Variants in EML6 observed in about 807,000 individuals in gnomAD.
EML6 encodes the protein echinoderm microtubule-associated protein-like 6.
A neutral mutation model predicts 240.1 loss-of-function variants in EML6; 154 were observed. That is an observed-to-expected ratio of 0.64 (90% CI 0.56 to 0.73). The LOEUF (loss-of-function observed/expected upper bound fraction) is 0.73, where lower values mean the gene tolerates loss of function less well. Ranked by LOEUF, EML6 falls within the 30% of genes least tolerant of loss-of-function variation. EML6 has a pLI of 0.00. For synonymous variants in EML6, 1,148 were observed against 899.0 expected (o/e 1.28, Z -4.95); for missense variants, 2,964 against 2,474.6 (o/e 1.20, Z -4.20).
chr2:54,837,476 G>A (rs953372426), intron 7 of EML6, among the ~76,000 whole-genome samples: 2 of 152,148 alleles, frequency 1.3e-5, no homozygotes, highest in Non-Finnish European at 2.9e-5. Flanking sequence ...ACGGGCACAC[G>A]GCTTGGTTAA....
chr2:54,892,027 A>G (rs780830775), intron 18 of EML6, among the ~76,000 whole-genome samples: 2 of 152,116 alleles, frequency 1.3e-5, no homozygotes, highest in Admixed American at 6.6e-5. Context: ...TACTATTTTT[A>G]TCGTTTTTGG....
intron 26 of EML6, among the ~76,000 whole-genome samples, chr2:54,921,780 T>A (rs369266623): frequency 1.3e-5 from 2 of 152,112 alleles, no homozygotes; most frequent in South Asian, 4.1e-4. Flanking sequence ...TCCATATATA[T>A]TATATAGTCC....
chr2:54,845,957 ATACCACAAT>A (rs1669728106), intron 8 of EML6, among the ~76,000 whole-genome samples: 1 of 152,244 alleles, frequency 6.6e-6, no homozygotes, highest in Non-Finnish European at 1.5e-5. Context: ...TGGAAGTCAG[ATACCACAAT>A]TGCACCCAAC....
chr2:54,745,891 G>T (rs114159495), intron 2 of EML6, among the ~76,000 whole-genome samples: 1,889 of 152,326 alleles, frequency 0.012, 48 homozygotes, highest in African/African-American at 0.043. Flanking sequence ...TAGCCAGGAA[G>T]AATTGGAGAG....
At chr2:54,733,239 A>G (rs947544036) in intron 2 of EML6, among the ~76,000 whole-genome samples, 3 of 152,220 alleles carry the variant, frequency 2.0e-5, no homozygotes, top group Admixed American at 6.5e-5. Flanking sequence ...TTCTAAGGCT[A>G]TGGAGAATTA....
At chr2:54,840,193 G>A (rs542504949) in intron 7 of EML6, among the ~76,000 whole-genome samples, 2 of 152,202 alleles carry the variant, frequency 1.3e-5, no homozygotes, top group Admixed American at 6.5e-5. Flanking sequence ...TTGGCCTTGA[G>A]AGGCCAGACA....
chr2:54,820,838 A>G (rs1668299903), intron 5 of EML6, among the ~76,000 whole-genome samples: 1 of 152,144 alleles, frequency 6.6e-6, no homozygotes. Flanking sequence ...CAACACTTTG[A>G]CATGTTATGT....
At chr2:54,921,147 A>G (rs1674228955) in intron 26 of EML6, among the ~76,000 whole-genome samples, 1 of 152,106 alleles carries the variant, frequency 6.6e-6, no homozygotes, top group Non-Finnish European at 1.5e-5. Flanking sequence ...AGGCATCCAG[A>G]TCAGAAAGAA....
At chr2:54,825,296 T>G (rs909392757) in intron 5 of EML6, among the ~76,000 whole-genome samples, 3 of 152,232 alleles carry the variant, frequency 2.0e-5, no homozygotes, top group Non-Finnish European at 4.4e-5. Context: ...AGTAATCATT[T>G]ATGTCTAATA....
intron 2 of EML6, among the ~76,000 whole-genome samples, chr2:54,799,704 C>T (rs1008669727): frequency 6.6e-6 from 1 of 152,136 alleles, no homozygotes; most frequent in Non-Finnish European, 1.5e-5. Context: ...GACCATATGA[C>T]CATCAAAGAG....
At chr2:54,950,624 A>C (rs975887242) in intron 29 of EML6, 26 bp from the exon 30 acceptor site, 2 of 1,550,772 alleles carry the variant, frequency 1.3e-6, no homozygotes, top group African/African-American at 1.4e-5. Context: ...TCTGAGGGTC[A>C]CATTGATCTG....
At chr2:54,953,885 T>TA (rs34371058) in intron 31 of EML6, 98 bp from the exon 32 acceptor site, 111,472 of 795,208 alleles carry the variant, frequency 0.14, 1,367 homozygotes, top group African/African-American at 0.17. Flanking sequence ...AGACTCTGTC[T>TA]AAAAAAAAAA....
intron 28 of EML6, among the ~76,000 whole-genome samples, chr2:54,937,188 G>T (rs377019774): frequency 6.6e-6 from 1 of 151,580 alleles, no homozygotes; most frequent in Admixed American, 6.6e-5. Flanking sequence ...TGAGGCAGGA[G>T]AATTGCTTAA....
At chr2:54,855,842 A>G (rs1670346441) in intron 11 of EML6, among the ~76,000 whole-genome samples, 1 of 152,104 alleles carries the variant, frequency 6.6e-6, no homozygotes, top group Non-Finnish European at 1.5e-5. Flanking sequence ...AAAGAGTGGG[A>G]ATTGTTGATG....
At chr2:54,952,042 C>T (rs1005909284) in intron 30 of EML6, among the ~76,000 whole-genome samples, 5 of 152,296 alleles carry the variant, frequency 3.3e-5, no homozygotes, top group South Asian at 2.1e-4. Context: ...TGACATATGT[C>T]GAGTTAGGGC....
At chr2:54,727,306 G>A (rs1682955420) in intron 2 of EML6, among the ~76,000 whole-genome samples, 1 of 150,762 alleles carries the variant, frequency 6.6e-6, no homozygotes, top group Non-Finnish European at 1.5e-5. Flanking sequence ...GTCAGAGTAT[G>A]TATAGGTGAG....
At chr2:54,936,131 G>C (rs746519371) in intron 28 of EML6, among the ~76,000 whole-genome samples, 1 of 152,100 alleles carries the variant, frequency 6.6e-6, no homozygotes, top group Non-Finnish European at 1.5e-5. Context: ...TTATAACTAC[G>C]GAAATATTTA....
At chr2:54,819,773 G>GAAAAAAAAAAAA (rs375657743) in intron 4 of EML6, among the ~76,000 whole-genome samples, 1 of 123,110 alleles carries the variant, frequency 8.1e-6, no homozygotes, top group Non-Finnish European at 1.6e-5. Context: ...GACTGTCTCA[G>GAAAAAAAAAAAA]AAAAAAAAAA....
chr2:54,910,256 C>T (rs989370571), intron 24 of EML6, among the ~76,000 whole-genome samples: 1 of 152,116 alleles, frequency 6.6e-6, no homozygotes, highest in African/African-American at 2.4e-5. Flanking sequence ...ACATAAATAC[C>T]TTGAGTCATT....
Sources: allele counts gnomAD v4.1 joint callset (sites outside exome capture counted in the v4.1 genomes callset), GRCh38; gene constraint gnomAD v4.1.1; transcripts MANE v1.5; gene names NCBI Gene and HGNC (gene_info 2026-07-23, HGNC 2026-07-21).